The following MALRD1 variants were observed in gnomAD, a reference collection of about 807,000 sequenced individuals.
The protein encoded by MALRD1 is MAM and LDL-receptor class A domain-containing protein 1.
A neutral mutation model predicts 242.1 loss-of-function variants in MALRD1; 247 were observed. That is an observed-to-expected ratio of 1.02 (90% CI 0.92 to 1.13). MALRD1 has a LOEUF of 1.13. MALRD1 is among the 50% of genes most tolerant of loss of function. MALRD1 has a pLI of 0.00. For synonymous variants in MALRD1, 995 were observed against 866.6 expected, an observed-to-expected ratio of 1.15 and a Z score of -2.60; for missense variants, 2,989 against 2,533.1, an observed-to-expected ratio of 1.18 and a Z score of -3.86.
chr10:19,659,508 T>G (rs1841321993), intron 36 of MALRD1, among the ~76,000 whole-genome samples: 4 of 152,172 alleles, frequency 2.6e-5, no homozygotes, highest in Admixed American at 2.6e-4. Flanking sequence ...TAGATAACCT[T>G]AAATTTTATT....
At chr10:19,077,796 C>T (rs1374060385) in intron 2 of MALRD1, among the ~76,000 whole-genome samples, 3 of 151,882 alleles carry the variant, frequency 2.0e-5, no homozygotes, top group African/African-American at 7.2e-5. Context: ...TACCACCTAC[C>T]AGTTGTTTAA....
intron 18 of MALRD1, among the ~76,000 whole-genome samples, chr10:19,226,780 A>T (rs1837819661): frequency 6.6e-6 from 1 of 152,082 alleles, no homozygotes; most frequent in African/African-American, 2.4e-5. Flanking sequence ...ATCCTTAGGC[A>T]TCTGCAGAAG....
intron 18 of MALRD1, among the ~76,000 whole-genome samples, chr10:19,217,016 T>C (rs75636549): frequency 2.8e-4 from 43 of 152,138 alleles, no homozygotes; most frequent in African/African-American, 1.0e-3. Context: ...ATGGCTCTTA[T>C]ATACACGTTC....
intron 36 of MALRD1, among the ~76,000 whole-genome samples, chr10:19,630,923 A>G (rs1333107225): frequency 6.6e-6 from 1 of 152,192 alleles, no homozygotes; most frequent in Non-Finnish European, 1.5e-5. Flanking sequence ...TATAAAGTAT[A>G]TGAAACATTG....
At chr10:19,634,165 G>T (rs190436095) in intron 36 of MALRD1, among the ~76,000 whole-genome samples, 2 of 151,874 alleles carry the variant, frequency 1.3e-5, no homozygotes, top group South Asian at 2.1e-4. Context: ...TAAAATACCT[G>T]CCAGGCCCAG....
At chr10:19,363,628 A>C (rs1012367782) in intron 26 of MALRD1, among the ~76,000 whole-genome samples, 1 of 152,170 alleles carries the variant, frequency 6.6e-6, no homozygotes, top group Non-Finnish European at 1.5e-5. Context: ...ATTCTTAGAG[A>C]ATGCCAGAGT....
At chr10:19,707,973 A>AT (rs1444080252) in intron 38 of MALRD1, among the ~76,000 whole-genome samples, 2 of 118,260 alleles carry the variant, frequency 1.7e-5, no homozygotes, top group African/African-American at 5.3e-5. Context: ...AATATGTATT[A>AT]TTTTTCATTA....
intron 34 of MALRD1, among the ~76,000 whole-genome samples, chr10:19,603,636 C>T (rs1000543058): frequency 2.0e-5 from 3 of 152,144 alleles, no homozygotes; most frequent in South Asian, 2.1e-4. Flanking sequence ...GTGATGCCTC[C>T]GGCTTTGTTG....
chr10:19,602,880 T>C (rs534764382), intron 34 of MALRD1, among the ~76,000 whole-genome samples: 149 of 152,244 alleles, frequency 9.8e-4, no homozygotes, highest in African/African-American at 3.4e-3. Context: ...TTTTTAATGA[T>C]CGCCATTCTA....
chr10:19,430,639 A>G (rs1388718782), intron 28 of MALRD1, among the ~76,000 whole-genome samples: 2 of 152,126 alleles, frequency 1.3e-5, no homozygotes, highest in East Asian at 3.9e-4. Flanking sequence ...AGCTCCTTAA[A>G]TCATGTATTC....
intron 12 of MALRD1, among the ~76,000 whole-genome samples, chr10:19,164,987 A>G (rs1490215016): frequency 6.6e-6 from 1 of 152,044 alleles, no homozygotes; most frequent in Non-Finnish European, 1.5e-5. Context: ...GATATAAAGT[A>G]TTAATTACAG....
chr10:19,096,184 C>T (rs1277479625), intron 4 of MALRD1, among the ~76,000 whole-genome samples: 2 of 152,062 alleles, frequency 1.3e-5, no homozygotes, highest in African/African-American at 4.8e-5. Flanking sequence ...AAAATAACGT[C>T]CTTGTTTTGC....
intron 18 of MALRD1, among the ~76,000 whole-genome samples, chr10:19,232,709 A>G (rs190235541): frequency 6.6e-6 from 1 of 152,312 alleles, no homozygotes; most frequent in East Asian, 1.9e-4. Flanking sequence ...GAACAATTTC[A>G]TATAATTTTC....
At chr10:19,333,591 C>T (rs909274351) in intron 24 of MALRD1, among the ~76,000 whole-genome samples, 3 of 152,076 alleles carry the variant, frequency 2.0e-5, no homozygotes, top group Admixed American at 6.6e-5. Flanking sequence ...TATTGTGAAT[C>T]GTGCTCCGAT....
chr10:19,307,776 T>G (rs1842276629), intron 21 of MALRD1, among the ~76,000 whole-genome samples: 1 of 151,614 alleles, frequency 6.6e-6, no homozygotes, highest in Admixed American at 6.6e-5. Context: ...ACCAACCTAC[T>G]GCTGACCTTA....
intron 36 of MALRD1, among the ~76,000 whole-genome samples, chr10:19,636,458 T>C (rs1840128881): frequency 6.6e-6 from 1 of 152,100 alleles, no homozygotes; most frequent in South Asian, 2.1e-4. Context: ...AAAAGAAGTA[T>C]AGACCAATCT....
At position 19,199,508 on chromosome 10, in the gene MALRD1, A is replaced by T. The variant is rs540498420; in HGVS notation, c.1952-4220A>T. On this transcript the variant is annotated intron_variant, in intron 14 of 39. Coordinates refer to ENST00000454679, the MANE Select transcript of MALRD1 (RefSeq NM_001142308.3). ...CAACCTCATATTTCTCATATCTAAA[A>T]TAAGGACACGGGCCAGGTGCAGTGG... Among the ~76,000 whole-genome samples, 28 of 152,294 alleles carry T rather than the reference A, an allele frequency of 1.8e-4. No individual in the cohort carries two copies. The South Asian group carries it at 3.9e-3, about 21-fold the overall frequency.
chr10:19,125,028 C>A (rs1837207911), intron 7 of MALRD1, among the ~76,000 whole-genome samples: 1 of 124,914 alleles, frequency 8.0e-6, no homozygotes, highest in African/African-American at 3.0e-5. Context: ...CCACTGCAAC[C>A]CCCGCCTCCT....
intron 32 of MALRD1, among the ~76,000 whole-genome samples, chr10:19,537,434 G>T (rs1017227649): frequency 6.6e-6 from 1 of 152,026 alleles, no homozygotes; most frequent in East Asian, 1.9e-4. Context: ...GGCAAGTTTG[G>T]TGTCTTACCA....
Sources: gnomAD v4.1 joint callset for allele counts (sites outside exome capture counted in the v4.1 genomes callset) on GRCh38, gnomAD v4.1.1 for gene constraint, MANE v1.5 for transcripts, NCBI Gene and HGNC (gene_info 2026-07-23, HGNC 2026-07-21) for gene names.